The following NUDT16L1 variants were observed in gnomAD, a reference collection of about 807,000 sequenced individuals.
NUDT16L1 encodes the protein tudor-interacting repair regulator protein.
Under a neutral mutation model 17.3 loss-of-function variants are expected in NUDT16L1, and 19 were observed. That is an observed-to-expected ratio of 1.10 (90% CI 0.77 to 1.61). The LOEUF (loss-of-function observed/expected upper bound fraction) is 1.61. Among genes scored for constraint, NUDT16L1 ranks in the 40% most tolerant of loss-of-function variants. NUDT16L1 has a pLI of 0.00. For missense variants in NUDT16L1, 341 were observed against 292.0 expected (o/e 1.17, Z -1.22); for synonymous variants, 255 against 138.6 (o/e 1.84, Z -5.90).
At chr16:4,695,814 G>A (rs1255098071) in exon 3 of NUDT16L1, 6 of 383,198 alleles carry the variant, frequency 1.6e-5, no homozygotes, top group Non-Finnish European at 2.3e-5. Context: ...AGCTGTCGAA[G>A]GAGAAGACAA....
intron 2 of NUDT16L1, chr16:4,694,600 C>T (rs974440536): frequency 1.7e-5 from 24 of 1,431,100 alleles, no homozygotes; most frequent in Admixed American, 2.8e-5. Flanking sequence ...TTGGGAACCT[C>T]ATGTTGGGCG....
chr16:4,694,892 C>T (rs1307739272), intron 2 of NUDT16L1, 66 bp from the exon 3 acceptor site: 46 of 1,536,312 alleles, frequency 3.0e-5, no homozygotes, highest in Non-Finnish European at 3.1e-5. Flanking sequence ...AGCTTCCAGG[C>T]CCCTCCTGCT....
intron 2 of NUDT16L1, chr16:4,694,528 G>A (rs920761040): frequency 4.7e-6 from 7 of 1,479,712 alleles, no homozygotes; most frequent in East Asian, 5.0e-5. Context: ...AGGAAGGGAT[G>A]GGGGAGGAGC....
chr16:4,695,230 C>A, exon 3 of NUDT16L1: 1 of 1,573,446 alleles, frequency 6.4e-7, no homozygotes, highest in Non-Finnish European at 8.7e-7. Context: ...ACTGGGAATT[C>A]CTGCTAAGTG....
chr16:4,694,058 G>A (rs760293727), exon 2 of NUDT16L1: 1 of 1,588,080 alleles, frequency 6.3e-7, no homozygotes, highest in Non-Finnish European at 8.5e-7. Flanking sequence ...AGGACGGCCT[G>A]AACCGGGTGC....
chr16:4,694,260 C>A, intron 2 of NUDT16L1, 22 bp downstream of exon 2: 3 of 1,457,820 alleles, frequency 2.1e-6, no homozygotes, highest in South Asian at 1.4e-5. Context: ...GCCCGGGCCC[C>A]GCCCCCCGCC....
At chr16:4,695,687 C>T in exon 3 of NUDT16L1, 1 of 404,266 alleles carries the variant, frequency 2.5e-6, no homozygotes, top group Non-Finnish European at 4.4e-6. Context: ...ATTTACTTTG[C>T]TAGATTTTCT....
chr16:4,695,428 CTT>C (rs1457950256), exon 3 of NUDT16L1: 6 of 594,048 alleles, frequency 1.0e-5, no homozygotes, highest in East Asian at 8.3e-5. Flanking sequence ...TCAGGATGCT[CTT>C]GTTTATTCTG....
At chr16:4,695,780 C>CG in exon 3 of NUDT16L1, 1 of 395,942 alleles carries the variant, frequency 2.5e-6, no homozygotes, top group Non-Finnish European at 4.4e-6. Flanking sequence ...GTCAGGGCCT[C>CG]GGGGGCCCAG....
chr16:4,694,004 G>A, exon 2 of NUDT16L1: 1 of 1,583,286 alleles, frequency 6.3e-7, no homozygotes, highest in African/African-American at 1.4e-5. Context: ...ACGGGCTGCT[G>A]GGCTTCCCCG....
rs148461430 is a variant in NUDT16L1, at chr16:4,695,406, G to A, written c.*227G>A. ...AGGGTGGTCCGGGCACACTGGGCCT[G>A]CCTCTCCAGCCTCAGGATGCTCTTG... On this transcript the variant is annotated 3_prime_UTR_variant, in exon 3 of 3. Coordinates refer to ENST00000304301, the Ensembl canonical transcript of NUDT16L1. The A allele has an allele frequency of 9.5e-3, 5,660 of 596,466 alleles. 94 individuals are homozygous for A. Among genetic ancestry groups the A allele is most frequent in the Middle Eastern group, 0.023 (52 of 2,240 alleles). 36.9% of individuals were successfully genotyped at this position (596,466 alleles called of 1,614,324 possible).
chr16:4,694,197 GTGGAGA>G, exon 2 of NUDT16L1: 1 of 1,560,414 alleles, frequency 6.4e-7, no homozygotes, highest in Non-Finnish European at 8.6e-7. Context: ...GCTGCACGCC[GTGGAGA>G]TCAGCGCGGT....
At chr16:4,695,198 G>A in exon 3 of NUDT16L1, 1 of 1,607,540 alleles carries the variant, frequency 6.2e-7, no homozygotes, top group Non-Finnish European at 8.5e-7. Context: ...TGAGCTGGTG[G>A]CACCCTCCCC....
At chr16:4,695,173 CTCT>C (rs773043125) in exon 3 of NUDT16L1, 33 of 1,612,066 alleles carry the variant, frequency 2.0e-5, no homozygotes, top group Non-Finnish European at 2.5e-5. Flanking sequence ...TCCCGGCCTC[CTCT>C]TGAGGGCTGC....
chr16:4,694,056 C>G, exon 2 of NUDT16L1: 1 of 1,588,076 alleles, frequency 6.3e-7, no homozygotes, highest in Non-Finnish European at 8.5e-7. Flanking sequence ...GGAGGACGGC[C>G]TGAACCGGGT....
At chr16:4,694,695 T>C in intron 2 of NUDT16L1, 2 of 1,017,940 alleles carry the variant, frequency 2.0e-6, no homozygotes, top group South Asian at 3.0e-5. Context: ...GGGGGGAGCA[T>C]GGGGTGCGGA....
Position 4,694,154 on chromosome 16 carries a change from G to T in NUDT16L1, c.330G>T (p.Ala110=), listed in dbSNP as rs779286137. ...CCGAGGGCCCACACCGCGTCGTGGC[G>T]CACCTGTACGCGCGGCAGCTGACGC... Residue 110 remains alanine (A), a synonymous_variant, in exon 2 of 3, where the codon GCG becomes GCT. Transcript: ENST00000304301. 2.5e-6 allele frequency: 4 copies of T among 1,585,784 alleles called. No homozygotes were observed. The South Asian group carries it at 4.5e-5, about 18-fold the overall frequency.
chr16:4,693,736 G>A, exon 1 of NUDT16L1: 1 of 1,538,114 alleles, frequency 6.5e-7, no homozygotes. Flanking sequence ...GATGTCGACG[G>A]CGGCGGTTCC....
At position 4,693,708 on chromosome 16, in the gene NUDT16L1, G is replaced by GGACGGGGTCAGTGCCAAGATGTC; in HGVS notation, c.-13_10dup. ...GCATGCTCTTAAGTGGCAGCGGCGG[G>GGACGGGGTCAGTGCCAAGATGTC]GACGGGGTCAGTGCCAAGATGTCGA... On this transcript the variant is annotated 5_prime_UTR_variant, in exon 1 of 3. It adds an upstream start codon to the 5' untranslated region. Transcript: ENST00000304301. The GGACGGGGTCAGTGCCAAGATGTC allele has an allele frequency of 6.7e-7, 1 of 1,486,584 alleles. No homozygotes were observed. The highest frequency in any genetic ancestry group is 1.3e-5 in the South Asian group (1 of 78,328). The allele number at this position is 1,486,584 out of a possible 1,614,324, so 92.1% of individuals were successfully genotyped here. A position where few individuals can be genotyped will look rare whatever the true frequency, so the allele number is the denominator to read the frequency against.
Sources: allele counts gnomAD v4.1 joint callset, GRCh38; gene constraint gnomAD v4.1.1; transcripts MANE v1.5; gene names NCBI Gene and HGNC (gene_info 2026-07-23, HGNC 2026-07-21).